Variants in RGS3 observed in about 807,000 individuals in gnomAD.
RGS3 encodes regulator of G protein signaling 3, also known as regulator of G-protein signalling 3.
Under a neutral mutation model 132.6 loss-of-function variants are expected in RGS3, and 80 were observed. The ratio of observed to expected loss-of-function variants is 0.60; its 90% CI spans 0.50 to 0.73. The LOEUF (loss-of-function observed/expected upper bound fraction) is 0.73, where lower values mean the gene tolerates loss of function less well. Among genes scored for constraint, RGS3 ranks in the 30% least tolerant of loss-of-function variants. The pLI, the probability that RGS3 is intolerant of heterozygous loss-of-function variation, is 0.00. For missense variants in RGS3, 1,382 were observed against 1,530.8 expected (o/e 0.90, Z 1.62); for synonymous variants, 598 against 620.6 (o/e 0.96, Z 0.54).
chr9:113,484,358 A>C, intron 6 of RGS3, 126 bp downstream of exon 4: 1 of 549,772 alleles, frequency 1.8e-6, no homozygotes, highest in Non-Finnish European at 3.2e-6. Flanking sequence ...AACCAAAACA[A>C]AAAAAACCAG....
Position 113,506,628 on chromosome 9 carries a change from C to T in RGS3, c.1085+135C>T, listed in dbSNP as rs1831145593. ...AGCTGTGAGCAGGCAATTCCTTTTG[C>T]TCTTCAAGGAATCTGTTTCTTGGCC... On this transcript the variant is annotated intron_variant, in intron 12 of 24. Coordinates refer to ENST00000350696, the Ensembl canonical transcript of RGS3. This position sits in a 1 kb window ranked among gnomAD's most constrained non-coding sequence, Gnocchi z 4.7. 4.8e-6 allele frequency: 3 copies of T among 627,576 alleles called. No homozygotes were observed. In the South Asian group the frequency reaches 5.9e-5, roughly 12 times the overall value. 38.9% of individuals were successfully genotyped at this position (627,576 alleles called of 1,614,324 possible). A position where few individuals can be genotyped will look rare whatever the true frequency, so the allele number is the denominator to read the frequency against.
intron 19 of RGS3, among the ~76,000 whole-genome samples, chr9:113,577,331 C>T (rs1310087867): frequency 6.6e-6 from 1 of 152,168 alleles, no homozygotes; most frequent in Non-Finnish European, 1.5e-5. Context: ...GTGCAAAGTA[C>T]AGAGAGTTCC....
At chr9:113,583,738 C>T in exon 20 of RGS3, 1 of 1,614,126 alleles carries the variant, frequency 6.2e-7, no homozygotes, top group Non-Finnish European at 8.5e-7. Flanking sequence ...AGCCCAAGAC[C>T]TCTCACCCTG....
At chr9:113,477,735 T>C (rs184740670) in intron 3 of RGS3, among the ~76,000 whole-genome samples, 2 of 152,202 alleles carry the variant, frequency 1.3e-5, no homozygotes, top group African/African-American at 2.4e-5. Context: ...AGATGCAGCA[T>C]TGAACAATCA....
intron 20 of RGS3, among the ~76,000 whole-genome samples, chr9:113,589,398 G>A (rs1171423560): frequency 6.6e-6 from 1 of 152,156 alleles, no homozygotes; most frequent in African/African-American, 2.4e-5. Context: ...GCAGCCCAGG[G>A]GGCTGACTCC....
intron 4 of RGS3, among the ~76,000 whole-genome samples, chr9:113,481,584 A>G (rs1697660960): frequency 6.6e-6 from 1 of 152,196 alleles, no homozygotes; most frequent in South Asian, 2.1e-4. Context: ...TGCAAAATGC[A>G]TCTTGGCCTC....
At chr9:113,501,519 C>T (rs936715034) in intron 10 of RGS3, 97 of 1,533,278 alleles carry the variant, frequency 6.3e-5, no homozygotes, top group Non-Finnish European at 7.2e-5. Context: ...TGCGGGCTCC[C>T]GCTGCTGGGG....
At chr9:113,594,290 T>C (rs147247836) in intron 21 of RGS3, 140 bp from the exon 20 acceptor site, 37 of 1,599,966 alleles carry the variant, frequency 2.3e-5, no homozygotes, top group Non-Finnish European at 3.0e-5. Flanking sequence ...CTCCGAGGCA[T>C]GTACCTCACT....
intron 19 of RGS3, among the ~76,000 whole-genome samples, chr9:113,580,236 C>T (rs1834724412): frequency 1.3e-5 from 2 of 152,250 alleles, no homozygotes; most frequent in African/African-American, 2.4e-5. Context: ...CAGGCTGTTC[C>T]TCCTCCTTCT....
chr9:113,594,852 GC>G (rs2119062061), intron 22 of RGS3, 66 bp from the exon 21 acceptor site: 1 of 1,501,756 alleles, frequency 6.7e-7, no homozygotes, highest in South Asian at 1.1e-5. Context: ...AGGCCGCCTG[GC>G]CCAGCTTCCC....
chr9:113,514,654 G>T (rs879917545), exon 15 of RGS3: 2 of 1,613,198 alleles, frequency 1.2e-6, no homozygotes, highest in Non-Finnish European at 1.7e-6. Flanking sequence ...TCTTTGTTCA[G>T]GTGAGCCCGT....
Position 113,517,133 on chromosome 9 carries a change from T to C in RGS3, c.1675-408T>C, listed in dbSNP as rs990966594. On this transcript the variant is annotated intron_variant, in intron 15 of 24. Transcript: ENST00000350696. ...ACTCAAGTGACCAAATCTCTTGGCA[T>C]GTGGCTCTCAGGATGCCTCTTGGTC... 23 of 436,434 alleles carry C rather than the reference T, an allele frequency of 5.3e-5. 1 individual carries two copies. Among genetic ancestry groups the C allele is most frequent in the African/African-American group, 4.2e-4 (21 of 49,604 alleles). 27.0% of individuals were successfully genotyped at this position (436,434 alleles called of 1,614,324 possible). A position where few individuals can be genotyped will look rare whatever the true frequency, so the allele number is the denominator to read the frequency against.
intron 18 of RGS3, among the ~76,000 whole-genome samples, chr9:113,532,665 T>C (rs1832520210): frequency 6.6e-6 from 1 of 152,104 alleles, no homozygotes; most frequent in Non-Finnish European, 1.5e-5. Context: ...TACCTTGCAG[T>C]GTCGTTGGAA....
exon 20 of RGS3, chr9:113,583,757 T>C: frequency 6.2e-7 from 1 of 1,614,076 alleles, no homozygotes; most frequent in Non-Finnish European, 8.5e-7. Context: ...TGCCAGGACC[T>C]ACCTGCTGGT....
chr9:113,587,933 G>T (rs557598726), intron 20 of RGS3, among the ~76,000 whole-genome samples: 16 of 152,350 alleles, frequency 1.1e-4, no homozygotes, highest in Admixed American at 3.3e-4. Context: ...CTGCTCCCTG[G>T]AGGCCCTGCA....
intron 19 of RGS3, among the ~76,000 whole-genome samples, chr9:113,571,052 G>A (rs1834268133): frequency 6.6e-6 from 1 of 152,236 alleles, no homozygotes; most frequent in Non-Finnish European, 1.5e-5. Flanking sequence ...TTGATGGCAA[G>A]ATTCATCAAT....
intron 14 of RGS3, among the ~76,000 whole-genome samples, chr9:113,511,138 AG>A (rs1831382083): frequency 6.6e-6 from 1 of 152,214 alleles, no homozygotes; most frequent in Admixed American, 6.5e-5. Context: ...CATGTTTCCC[AG>A]GGCTGCTGGT....
chr9:113,580,487 A>G (rs1375429760), intron 19 of RGS3, among the ~76,000 whole-genome samples: 1 of 152,224 alleles, frequency 6.6e-6, no homozygotes, highest in African/African-American at 2.4e-5. Flanking sequence ...TGAGTCCAGT[A>G]TGATATCACT....
chr9:113,462,302 AGTGGG>A, intron 3 of RGS3: 1 of 4,456 alleles, frequency 2.2e-4, no homozygotes, highest in Non-Finnish European at 4.6e-4. Flanking sequence ...GGAGGGGGAG[AGTGGG>A]GTGGGGTGGG....
Sources: allele counts gnomAD v4.1 joint callset (sites outside exome capture counted in the v4.1 genomes callset), GRCh38; gene constraint gnomAD v4.1.1; non-coding constraint Gnocchi (gnomAD v3.1); transcripts MANE v1.5; gene names NCBI Gene and HGNC (gene_info 2026-07-23, HGNC 2026-07-21).